The following PTPRA variants were observed in gnomAD, a reference collection of about 807,000 sequenced individuals.
The protein encoded by PTPRA is protein tyrosine phosphatase receptor type A, also known as receptor-type tyrosine-protein phosphatase alpha.
In PTPRA, 25 loss-of-function variants were observed where a neutral mutation model predicts 104.8. The ratio of observed to expected loss-of-function variants is 0.24; its 90% CI spans 0.17 to 0.33. The LOEUF is 0.33. Ranked by LOEUF, PTPRA falls within the 10% of genes least tolerant of loss-of-function variation. PTPRA has a pLI of 1.00. For missense variants in PTPRA, 765 were observed against 1,015.3 expected (o/e 0.75, Z 3.35); for synonymous variants, 323 against 368.9 (o/e 0.88, Z 1.43).
chr20:3,019,897 C>T (rs1021157697), intron 13 of PTPRA, among the ~76,000 whole-genome samples: 2 of 152,126 alleles, frequency 1.3e-5, no homozygotes, highest in Admixed American at 1.3e-4. Flanking sequence ...CACAGCGAAA[C>T]CCCGTCTCCA....
chr20:3,008,882 A>C (rs1418459847), intron 11 of PTPRA, among the ~76,000 whole-genome samples: 1 of 152,244 alleles, frequency 6.6e-6, no homozygotes, highest in Non-Finnish European at 1.5e-5. Context: ...ACTGCACTCC[A>C]GCCTGGGCGA....
At chr20:2,963,194 TCTCA>T (rs1246445202) in intron 3 of PTPRA, among the ~76,000 whole-genome samples, 3 of 152,192 alleles carry the variant, frequency 2.0e-5, no homozygotes, top group Non-Finnish European at 4.4e-5. Flanking sequence ...TCTCCATACT[TCTCA>T]CTCTGAAAAC....
At chr20:2,917,276 A>G (rs1000300980) in intron 1 of PTPRA, among the ~76,000 whole-genome samples, 1 of 152,148 alleles carries the variant, frequency 6.6e-6, no homozygotes, top group African/African-American at 2.4e-5. Context: ...AAATAAATAA[A>G]TAAAGACATA....
intron 3 of PTPRA, among the ~76,000 whole-genome samples, chr20:2,959,680 C>T (rs553466697): frequency 1.9e-4 from 29 of 152,208 alleles, no homozygotes; most frequent in African/African-American, 7.0e-4. Flanking sequence ...CGGCCAGGCG[C>T]GGTGGCTCAC....
chr20:2,939,220 G>A (rs1333636811), intron 2 of PTPRA, among the ~76,000 whole-genome samples: 1 of 152,184 alleles, frequency 6.6e-6, no homozygotes, highest in East Asian at 1.9e-4. Context: ...GGGTTGCTCA[G>A]AGGCACTTTT....
upstream of PTPRA, among the ~76,000 whole-genome samples, chr20:2,872,036 G>A (rs2089442459): frequency 6.6e-6 from 1 of 152,222 alleles, no homozygotes; most frequent in Non-Finnish European, 1.5e-5. This position sits in a 1 kb window ranked among gnomAD's most constrained non-coding sequence, Gnocchi z 7.9. Context: ...TCCACAATAC[G>A]GAGGAGTGGG....
At chr20:2,915,509 T>C (rs2059868809) in intron 1 of PTPRA, among the ~76,000 whole-genome samples, 2 of 152,200 alleles carry the variant, frequency 1.3e-5, no homozygotes, top group Non-Finnish European at 2.9e-5. Context: ...TTCTGATAAC[T>C]AGACCCTTAT....
the PTPRA span, chr20:2,865,193 G>T: frequency 6.2e-7 from 1 of 1,614,154 alleles, no homozygotes; most frequent in East Asian, 2.2e-5. This position sits in a 1 kb window ranked among gnomAD's most constrained non-coding sequence, Gnocchi z 5.2. Context: ...GCGGCGCCTA[G>T]AAGACGAGCT....
At chr20:2,913,028 C>T (rs1347882188) in intron 1 of PTPRA, among the ~76,000 whole-genome samples, 1 of 151,904 alleles carries the variant, frequency 6.6e-6, no homozygotes, top group African/African-American at 2.4e-5. Flanking sequence ...CTTTTCGCTC[C>T]CTGAACCATT....
rs1324087431 is a variant in PTPRA, at chr20:2,988,327, G to C, written c.602-11G>C. On this transcript the variant is annotated splice_polypyrimidine_tract_variant and intron_variant, in intron 8 of 23. Transcript: ENST00000399903. ...GGGTACCTGACTGACCTTCTCCCTT[G>C]TGTACTGCAGAGCCCCAGAGTGTGC... 2 of 1,584,962 alleles carry C rather than the reference G, an allele frequency of 1.3e-6. No homozygotes were observed. Among genetic ancestry groups the C allele is most frequent in the Non-Finnish European group, 1.7e-6 (2 of 1,171,982 alleles).
upstream of PTPRA, among the ~76,000 whole-genome samples, chr20:2,872,273 A>C (rs1279242516): frequency 6.6e-6 from 1 of 152,210 alleles, no homozygotes; most frequent in East Asian, 1.9e-4. This position sits in a 1 kb window ranked among gnomAD's most constrained non-coding sequence, Gnocchi z 7.9. Flanking sequence ...GTTTCCTGCC[A>C]TGAAGAGTTG....
At chr20:3,029,081 C>T (rs547712575) in intron 20 of PTPRA, among the ~76,000 whole-genome samples, 3 of 148,226 alleles carry the variant, frequency 2.0e-5, no homozygotes, top group African/African-American at 7.6e-5. Context: ...AGGCTTTACA[C>T]ATATTTTCTC....
In PTPRA at chr20:3,038,378, C is replaced by G. The variant is rs368403972; in HGVS notation, c.*245C>G. 1 of 400,622 alleles carries G rather than the reference C, an allele frequency of 2.5e-6. No homozygotes were observed. The highest frequency in any genetic ancestry group is 3.1e-5 in the South Asian group (1 of 32,054). 24.8% of individuals were successfully genotyped at this position (400,622 alleles called of 1,614,324 possible). Reference sequence around the variant, plus strand: ...GGATTGATATCGTGAAATCCTCAGCCGAGAAATTGGGCTGGATTGTGCTTT... The same window carrying G: ...GGATTGATATCGTGAAATCCTCAGCGGAGAAATTGGGCTGGATTGTGCTTT... On this transcript the variant is annotated 3_prime_UTR_variant, in exon 24 of 24. Coordinates refer to ENST00000399903, the MANE Select transcript of PTPRA (RefSeq NM_001385305.1).
chr20:2,904,034 G>A (rs2059327151), intron 1 of PTPRA, among the ~76,000 whole-genome samples: 1 of 151,902 alleles, frequency 6.6e-6, no homozygotes, highest in African/African-American at 2.4e-5. Context: ...TCTCTCTTGA[G>A]TAGCTAGGAC....
chr20:2,876,469 GT>G (rs761410662), intron 1 of PTPRA, among the ~76,000 whole-genome samples: 3 of 151,988 alleles, frequency 2.0e-5, no homozygotes, highest in African/African-American at 7.3e-5. Flanking sequence ...ACCTTACTGG[GT>G]TTTTTTACTT....
chr20:2,932,953 A>G (rs897760149), intron 2 of PTPRA, among the ~76,000 whole-genome samples: 1 of 152,082 alleles, frequency 6.6e-6, no homozygotes, highest in African/African-American at 2.4e-5. Flanking sequence ...TTTTATTTTA[A>G]TCTTGGGAAA....
intron 3 of PTPRA, among the ~76,000 whole-genome samples, chr20:2,956,834 C>T (rs1418277546): frequency 6.6e-6 from 1 of 152,078 alleles, no homozygotes; most frequent in East Asian, 1.9e-4. Context: ...GATATGTATC[C>T]GTGGAATAAG....
intron 2 of PTPRA, among the ~76,000 whole-genome samples, chr20:2,925,311 T>C (rs1414811302): frequency 1.3e-5 from 2 of 152,250 alleles, no homozygotes; most frequent in African/African-American, 4.8e-5. Flanking sequence ...TTGTTTCACA[T>C]AGGTTTATTT....
intron 9 of PTPRA, among the ~76,000 whole-genome samples, chr20:3,002,720 GTCCATTT>G (rs2063692651): frequency 6.6e-6 from 1 of 152,046 alleles, no homozygotes; most frequent in Admixed American, 6.6e-5. Context: ...CTCCTCTCTA[GTCCATTT>G]TCCATACAAT....
Sources: gnomAD v4.1 joint callset for allele counts (sites outside exome capture counted in the v4.1 genomes callset) on GRCh38, gnomAD v4.1.1 for gene constraint, Gnocchi (gnomAD v3.1) non-coding constraint, MANE v1.5 for transcripts, NCBI Gene and HGNC (gene_info 2026-07-23, HGNC 2026-07-21) for gene names.